NAALADL1: variants seen among roughly 807,000 people sequenced by gnomAD.
NAALADL1 encodes N-acetylated alpha-linked acidic dipeptidase like 1, also known as aminopeptidase NAALADL1.
Under a neutral mutation model 82.8 loss-of-function variants are expected in NAALADL1, and 77 were observed. That is an observed-to-expected ratio of 0.93 (90% CI 0.77 to 1.12). The LOEUF (loss-of-function observed/expected upper bound fraction) is 1.12. Among genes scored for constraint, NAALADL1 ranks in the 50% most tolerant of loss-of-function variants. The pLI, the probability that NAALADL1 is intolerant of heterozygous loss-of-function variation, is 0.00. For synonymous variants in NAALADL1, 358 were observed against 399.2 expected (o/e 0.90, Z 1.23); for missense variants, 956 against 964.0 (o/e 0.99, Z 0.11).
rs779193053 is a variant in NAALADL1 at position 65,057,508 on chromosome 11, G to A, written c.481-15C>T. On this transcript the variant is annotated splice_polypyrimidine_tract_variant and intron_variant, in intron 3 of 17. Coordinates refer to ENST00000358658, the MANE Select transcript of NAALADL1 (RefSeq NM_005468.3). ...ACGAGGAGGCCCTAGTCCCAAGAGG[G>A]GGTGATCCTTAGAGCTGGGCCCAGC... The A allele has an allele frequency of 1.2e-6, 2 of 1,610,394 alleles. No individual in the cohort carries two copies. The highest frequency in any genetic ancestry group is 1.7e-6 in the Non-Finnish European group (2 of 1,178,166).
chr11:65,057,804 T>A (rs1473569784), intron 3 of NAALADL1, 71 bp downstream of exon 3: 9 of 1,594,540 alleles, frequency 5.6e-6, no homozygotes, highest in African/African-American at 1.3e-5. Context: ...GTTCCCTGGG[T>A]CAGGGTGGGG....
At position 65,053,679 on chromosome 11, in the gene NAALADL1, G is replaced by C; in HGVS notation, c.993-103C>G. ...CGGAGCTGGAAAGTGACGTGGCAAG[G>C]CCATTCATTGGCCCCGAAGTACCAA... On this transcript the variant is annotated intron_variant, in intron 6 of 17. Transcript: ENST00000358658. The surrounding 1 kb of genome is among the most constrained non-coding windows in gnomAD (Gnocchi z 4.3). The C allele has an allele frequency of 1.5e-5, 15 of 1,018,566 alleles. No homozygotes were observed. Among genetic ancestry groups the C allele is most frequent in the Non-Finnish European group, 2.1e-5 (15 of 700,962 alleles). 63.1% of individuals were successfully genotyped at this position (1,018,566 alleles called of 1,614,324 possible). A position where few individuals can be genotyped will look rare whatever the true frequency, so the allele number is the denominator to read the frequency against.
chr11:65,047,785 CCAA>C (rs1339783169), intron 11 of NAALADL1, 47 bp from the exon 12 acceptor site: 2 of 1,546,164 alleles, frequency 1.3e-6, no homozygotes, highest in Admixed American at 3.9e-5. Context: ...CTCCCCAGCC[CCAA>C]CAACAGGGCG....
At chr11:65,058,870 C>T (rs892918119), upstream of NAALADL1, among the ~76,000 whole-genome samples, 11 of 152,224 alleles carry the variant, frequency 7.2e-5, no homozygotes, top group African/African-American at 2.7e-4. Context: ...TGCCCACCCT[C>T]ACTGCCTCTG....
rs201998635 is a variant in NAALADL1 at position 65,053,335 on chromosome 11, G to A, written c.1081C>T (p.Arg361Cys). The change falls in exon 8 of 18, where the codon CGC becomes TGC. Residue 361 changes from arginine (R) to cysteine (C), a missense_variant and splice_region_variant. By Grantham distance (180) the Arg-to-Cys change is radical. Coordinates refer to ENST00000358658, the MANE Select transcript of NAALADL1 (RefSeq NM_005468.3). The surrounding 1 kb of genome is among the most constrained non-coding windows in gnomAD (Gnocchi z 4.3). The part of the protein sequence containing the change: ...GIIRGAVEPD[R>C]YVLYGNHRDS... Reference sequence around the variant, plus strand: ...CGGTGGTTCCCATACAGCACGTAGCGATCTGGCCAGAGGAAAAGGGGCAGA... The same window carrying A: ...CGGTGGTTCCCATACAGCACGTAGCAATCTGGCCAGAGGAAAAGGGGCAGA... 9.5e-6 allele frequency: 15 copies of A among 1,583,112 alleles called. No homozygotes were observed. The highest frequency in any genetic ancestry group is 6.9e-5 in the East Asian group (3 of 43,310).
chr11:65,054,543 A>C lies in NAALADL1; in HGVS notation c.799T>G (p.Ser267Ala). The C allele has an allele frequency of 1.9e-6, 3 of 1,613,974 alleles. No individual in the cohort carries two copies. Among genetic ancestry groups the C allele is most frequent in the Non-Finnish European group, 2.5e-6 (3 of 1,179,954 alleles). The change falls in exon 5 of 18, where the codon TCC (serine) becomes GCC (alanine). Residue 267 changes from serine (S) to alanine (A), a missense_variant. Coordinates refer to ENST00000358658, the MANE Select transcript of NAALADL1 (RefSeq NM_005468.3). This position sits in a 1 kb window ranked among gnomAD's most constrained non-coding sequence, Gnocchi z 4.3. ...ACATTGGCAAGGTCCACGCGGAAGG[A>C]AGAGGGGACGGCTGGAAGGTAGGGA... The part of the protein sequence containing the change: ...LTPYLPAVPS[S>A]FRVDLANVSG...
At chr11:65,057,349 G>C (rs1036897633) in intron 4 of NAALADL1, 22 bp downstream of exon 4, 1 of 1,594,864 alleles carries the variant, frequency 6.3e-7, no homozygotes. Context: ...GAGGCCTCCT[G>C]CACTGGGGGA....
chr11:65,047,027 C>T (rs536009402), intron 13 of NAALADL1, among the ~76,000 whole-genome samples: 68 of 145,116 alleles, frequency 4.7e-4, no homozygotes, highest in African/African-American at 1.6e-3. Context: ...ATGCTTCTCA[C>T]AGGCAATGCC....
upstream of NAALADL1, among the ~76,000 whole-genome samples, chr11:65,060,361 C>A (rs1238092683): frequency 6.6e-6 from 1 of 152,056 alleles, no homozygotes; most frequent in Non-Finnish European, 1.5e-5. Context: ...ACGTGATTAT[C>A]GACGCCCAGA....
chr11:65,048,236 G>A (rs776965760), intron 9 of NAALADL1, 21 bp from the exon 10 acceptor site: 2 of 1,613,726 alleles, frequency 1.2e-6, no homozygotes, highest in Admixed American at 3.3e-5. Context: ...GAGGGGCGAC[G>A]TCAGCCCCGC....
chr11:65,047,862 T>C, intron 11 of NAALADL1, 119 bp downstream of exon 11: 1 of 1,464,460 alleles, frequency 6.8e-7, no homozygotes, highest in Non-Finnish European at 9.2e-7. Flanking sequence ...CCAGCCTCAG[T>C]CCAGCCCCAG....
In NAALADL1 at chr11:65,048,020, C is replaced by G. The variant is rs775569194; in HGVS notation, c.1377G>C (p.Thr459=). The G allele has an allele frequency of 6.2e-7, 1 of 1,612,280 alleles. No homozygotes were observed. The highest frequency in any genetic ancestry group is 8.5e-7 in the Non-Finnish European group (1 of 1,179,386). ...AGAAGACGACGCTCTGGACAGGGGG[C>G]GTCCCCTGCACCCTAAGGGTAGCGT... is the stretch of plus-strand genomic sequence containing the variant. The part of the protein sequence containing the change: ...FANATLRVQG[T]PPVQSVVFSA... Residue 459 remains threonine (T), a synonymous_variant, in exon 11 of 18, where the codon ACG becomes ACC. Transcript: ENST00000358658.
Position 65,054,742 on chromosome 11 carries a change from C to A in NAALADL1, c.604-4G>T, listed in dbSNP as rs1276944071. The A allele has an allele frequency of 6.2e-7, 1 of 1,612,260 alleles. No homozygotes were observed. On this transcript the variant is annotated splice_polypyrimidine_tract_variant and splice_region_variant and intron_variant, in intron 4 of 17. Coordinates refer to ENST00000358658, the MANE Select transcript of NAALADL1 (RefSeq NM_005468.3). The surrounding 1 kb of genome is among the most constrained non-coding windows in gnomAD (Gnocchi z 4.3). ...CGTGCTTGGCAGCGTTCACAGCCTG[C>A]AGTGGGCAGAGGAGGCTGTGTGTAA...
chr11:65,048,637 T>C (rs994993076), intron 8 of NAALADL1, among the ~76,000 whole-genome samples: 2 of 152,078 alleles, frequency 1.3e-5, no homozygotes, highest in African/African-American at 4.8e-5. Flanking sequence ...TCTGTGGGCA[T>C]GCTCTGGGAA....
intron 11 of NAALADL1, 73 bp from the exon 12 acceptor site, chr11:65,047,811 G>T: frequency 1.3e-6 from 2 of 1,502,710 alleles, no homozygotes; most frequent in Non-Finnish European, 9.0e-7. Context: ...TTCTCCACCG[G>T]TCTCCTGCCC....
rs374664283 is a variant in NAALADL1, at chr11:65,054,276, C to T, written c.966G>A (p.Arg322=). The T allele has an allele frequency of 1.9e-6, 3 of 1,614,050 alleles. No homozygotes were observed. Among genetic ancestry groups the T allele is most frequent in the East Asian group, 2.2e-5 (1 of 44,874 alleles). Reference sequence around the variant, plus strand: ...TGTCTGCTGGGAAGTCTCCGTCAGGCCGGAAGCCGGGACCCAACCTGTAGT... The same window carrying T: ...TGTCTGCTGGGAAGTCTCCGTCAGGTCGGAAGCCGGGACCCAACCTGTAGT... The part of the protein sequence containing the change: ...GCHYRLGPGF[R]PDGDFPADSQ... Residue 322 remains arginine (R), a synonymous_variant, in exon 6 of 18, where the codon CGG becomes CGA. Transcript: ENST00000358658. The surrounding 1 kb of genome is among the most constrained non-coding windows in gnomAD (Gnocchi z 4.3).
rs570570637 is a variant in NAALADL1, at chr11:65,045,792, G to T, written c.2036+30C>A. 4.4e-6 allele frequency: 7 copies of T among 1,604,516 alleles called. No individual in the cohort carries two copies. In the African/African-American group the frequency reaches 8.0e-5, roughly 18 times the overall value. On this transcript the variant is annotated intron_variant, in intron 17 of 17. Transcript: ENST00000358658. The stretch of plus-strand genomic sequence containing the variant: ...AGCCATTGTCCGGCCCCACCTGGAG[G>T]CACCTCCCAGGACTCTGGGACAGAC...
intron 4 of NAALADL1, 71 bp downstream of exon 4, chr11:65,057,300 C>T (rs926271694): frequency 2.0e-6 from 3 of 1,516,846 alleles, no homozygotes; most frequent in African/African-American, 1.4e-5. Context: ...TCCCCTTCCC[C>T]TCACTTCCTC....
At chr11:65,055,785 C>T (rs944680458) in intron 4 of NAALADL1, among the ~76,000 whole-genome samples, 1 of 151,880 alleles carries the variant, frequency 6.6e-6, no homozygotes, top group African/African-American at 2.4e-5. Flanking sequence ...ACTGCTTGTT[C>T]CCCTTTCTTT....
Sources: gnomAD v4.1 joint callset for allele counts (sites outside exome capture counted in the v4.1 genomes callset) on GRCh38, gnomAD v4.1.1 for gene constraint, Gnocchi (gnomAD v3.1) non-coding constraint, MANE v1.5 for transcripts, NCBI Gene and HGNC (gene_info 2026-07-23, HGNC 2026-07-21) for gene names.